OPRM1: variants seen among roughly 807,000 people sequenced by gnomAD.
OPRM1 encodes mu-type opioid receptor.
OPRM1 carries 27 observed loss-of-function variants against 31.8 expected under a neutral mutation model. The ratio of observed to expected loss-of-function variants is 0.85; its 90% CI spans 0.63 to 1.17. The LOEUF is 1.17. OPRM1 is among the 50% of genes most tolerant of loss of function. OPRM1 has a pLI of 0.00. For missense variants in OPRM1, 536 were observed against 511.1 expected (o/e 1.05, Z -0.47); for synonymous variants, 196 against 189.9 (o/e 1.03, Z -0.26).
At chr6:154,235,359 C>T (rs777273324) in intron 3 of OPRM1, among the ~76,000 whole-genome samples, 16 of 152,048 alleles carry the variant, frequency 1.1e-4, no homozygotes, top group East Asian at 5.8e-4. Flanking sequence ...GGCGAAAACC[C>T]GTCTCTACTA....
At chr6:154,137,411 C>A (rs1171183895) in intron 3 of OPRM1, among the ~76,000 whole-genome samples, 1 of 151,978 alleles carries the variant, frequency 6.6e-6, no homozygotes. Flanking sequence ...AGAAATAAAC[C>A]TTTATGTACT....
chr6:154,136,874 A>T (rs1182851232), downstream of OPRM1, among the ~76,000 whole-genome samples: 1 of 152,202 alleles, frequency 6.6e-6, no homozygotes, highest in Non-Finnish European at 1.5e-5. Flanking sequence ...CTTGTCAAAA[A>T]AACATTCCTG....
Position 154,019,559 on chromosome 6 carries a change from C to T in OPRM1, c.-1+8541C>T, listed in dbSNP as rs539237658. Among the ~76,000 whole-genome samples the T allele has an allele frequency of 2.3e-4, 35 of 152,028 alleles. 2 individuals carry two copies. In the South Asian group the frequency reaches 6.0e-3, roughly 26 times the overall value. ...CGTACACTCTTCCCATTTTTTCCTCCCTCCCTCCAATCTCTCACAACCATT... is the reference window on the plus strand; with the variant it reads ...CGTACACTCTTCCCATTTTTTCCTCTCTCCCTCCAATCTCTCACAACCATT... On this transcript the variant is annotated intron_variant, in intron 1 of 5. Transcript: ENST00000434900.
chr6:154,043,827 C>T (rs780309541), intron 1 of OPRM1, among the ~76,000 whole-genome samples: 1 of 152,036 alleles, frequency 6.6e-6, no homozygotes, highest in African/African-American at 2.4e-5. Context: ...CTCCTGGTAC[C>T]TATTACAATT....
intron 1 of OPRM1, among the ~76,000 whole-genome samples, chr6:154,026,662 G>GA (rs1489709883): frequency 6.6e-6 from 1 of 152,030 alleles, no homozygotes; most frequent in African/African-American, 2.4e-5. Context: ...TGTCTCCACT[G>GA]ACTGTATTTT....
chr6:154,114,263 A>C (rs1796629714), intron 3 of OPRM1, among the ~76,000 whole-genome samples: 1 of 152,226 alleles, frequency 6.6e-6, no homozygotes, highest in African/African-American at 2.4e-5. Flanking sequence ...TCTAGGATCA[A>C]CTTTTGAGTC....
chr6:154,222,128 G>A (rs1305868289), intron 3 of OPRM1, among the ~76,000 whole-genome samples: 1 of 152,150 alleles, frequency 6.6e-6, no homozygotes, highest in African/African-American at 2.4e-5. Context: ...CTTATTCAAG[G>A]CACCCTTTGT....
In OPRM1 at chr6:154,120,517, G is replaced by A. The variant is rs1325469716; in HGVS notation, c.*1796G>A. 6.6e-6 allele frequency among the ~76,000 whole-genome samples: 1 copy of A among 152,036 alleles called. No individual in the cohort carries two copies. On this transcript the variant is annotated 3_prime_UTR_variant, in exon 4 of 4. Transcript: ENST00000330432. ...TAATTTTTTATATTTTCTGACAAAAGTAACTAAAACTAGGACCTTAAAAAG... is the reference window on the plus strand; with the variant it reads ...TAATTTTTTATATTTTCTGACAAAAATAACTAAAACTAGGACCTTAAAAAG...
chr6:154,246,397 G>A (rs896991359), intron 3 of OPRM1, among the ~76,000 whole-genome samples: 1 of 152,168 alleles, frequency 6.6e-6, no homozygotes, highest in Non-Finnish European at 1.5e-5. Context: ...AACAGGATGG[G>A]TTTCTTCTCC....
chr6:154,117,894 A>T (rs1382720750), intron 3 of OPRM1, among the ~76,000 whole-genome samples: 5 of 62,908 alleles, frequency 7.9e-5, no homozygotes, highest in African/African-American at 1.9e-4. Context: ...TGTGTATGAG[A>T]GAGAAAAAAA....
intron 3 of OPRM1, among the ~76,000 whole-genome samples, chr6:154,178,118 A>G (rs929168735): frequency 6.7e-6 from 1 of 148,618 alleles, no homozygotes; most frequent in African/African-American, 2.5e-5. Flanking sequence ...GGAGGGGAAC[A>G]TCACAGACTG....
chr6:154,121,684 G>T lies in OPRM1; in HGVS notation c.*2963G>T, dbSNP rs750342804. Among the ~76,000 whole-genome samples the T allele has an allele frequency of 1.3e-5, 2 of 152,128 alleles. No individual in the cohort carries two copies. The highest frequency in any genetic ancestry group is 2.9e-5 in the Non-Finnish European group (2 of 68,008). Reference sequence around the variant, plus strand: ...AAATTCTGTTTCCCACATTGTCACAGCATGCCCTTTACATCTCAGGATCCA... The same window carrying T: ...AAATTCTGTTTCCCACATTGTCACATCATGCCCTTTACATCTCAGGATCCA... On this transcript the variant is annotated 3_prime_UTR_variant, in exon 4 of 4. Transcript: ENST00000330432.
intron 3 of OPRM1, among the ~76,000 whole-genome samples, chr6:154,116,997 TTC>T (rs1796950410): frequency 6.6e-6 from 1 of 152,186 alleles, no homozygotes; most frequent in Non-Finnish European, 1.5e-5. Context: ...ACCCAGAATG[TTC>T]TCTCCATCCT....
chr6:154,183,010 C>T lies in OPRM1; in HGVS notation c.1165-63683C>T, dbSNP rs572167088. Among the ~76,000 whole-genome samples the T allele has an allele frequency of 1.5e-4, 23 of 151,694 alleles. No individual in the cohort carries two copies. The South Asian group carries it at 4.2e-3, about 27-fold the overall frequency. ...TTTCTTTTTTTTTGAGACGGACTCTCGCTCTGTAGCCCAGGCTGGAGTGCA... is the reference window on the plus strand; with the variant it reads ...TTTCTTTTTTTTTGAGACGGACTCTTGCTCTGTAGCCCAGGCTGGAGTGCA... On this transcript the variant is annotated intron_variant, in intron 3 of 3. Transcript: ENST00000337049.
chr6:154,161,648 G>A (rs1799026998), intron 3 of OPRM1, among the ~76,000 whole-genome samples: 1 of 152,120 alleles, frequency 6.6e-6, no homozygotes, highest in South Asian at 2.1e-4. Context: ...TGCCCTCTGA[G>A]AACTTACCGA....
intron 3 of OPRM1, among the ~76,000 whole-genome samples, chr6:154,148,657 C>G (rs1252386386): frequency 6.6e-6 from 1 of 152,218 alleles, no homozygotes; most frequent in Admixed American, 6.5e-5. Context: ...ACAGGTACCT[C>G]CACAAGGCTC....
downstream of OPRM1, among the ~76,000 whole-genome samples, chr6:154,136,083 A>G (rs187907661): frequency 2.9e-4 from 44 of 152,328 alleles, no homozygotes; most frequent in Non-Finnish European, 4.9e-4. Flanking sequence ...GCCTCCAGGA[A>G]GGCTGAGACA....
At chr6:154,096,759 C>T (rs1793465576) in intron 3 of OPRM1, among the ~76,000 whole-genome samples, 1 of 152,180 alleles carries the variant, frequency 6.6e-6, no homozygotes, top group Non-Finnish European at 1.5e-5. Context: ...TCGAATATTA[C>T]TCCACAGCTT....
chr6:154,219,065 A>G (rs1778638777), intron 3 of OPRM1: 1 of 152,222 alleles, frequency 6.6e-6, no homozygotes, highest in African/African-American at 2.4e-5. Flanking sequence ...GGTTTCTGCA[A>G]AGGGAGAACA....
Sources: gnomAD v4.1 joint callset for allele counts (sites outside exome capture counted in the v4.1 genomes callset) on GRCh38, gnomAD v4.1.1 for gene constraint, MANE v1.5 for transcripts, NCBI Gene and HGNC (gene_info 2026-07-23, HGNC 2026-07-21) for gene names.